Variants in CIAO1 observed in about 807,000 individuals in gnomAD.
CIAO1 encodes cytosolic iron-sulfur assembly component 1.
In CIAO1, 32 loss-of-function variants were observed where a neutral mutation model predicts 43.1. The ratio of observed to expected loss-of-function variants is 0.74; its 90% CI spans 0.56 to 1.00. CIAO1 has a LOEUF of 1.00. Ranked by LOEUF, CIAO1 falls within the 50% of genes least tolerant of loss-of-function variation. CIAO1 has a pLI of 0.00. For synonymous variants in CIAO1, 183 were observed against 171.4 expected (o/e 1.07, Z -0.53); for missense variants, 415 against 437.4 (o/e 0.95, Z 0.46).
rs146208024 is a variant in CIAO1, at chr2:96,270,417, G to A, written c.780-694G>A. Among the ~76,000 whole-genome samples the A allele has an allele frequency of 3.1e-3, 475 of 151,900 alleles. 1 individual carries two copies. The highest frequency in any genetic ancestry group is 5.3e-3 in the Non-Finnish European group (361 of 67,962). ...ACTCAGAGGCTGAGGCAGGAGAATC[G>A]CTTGAACCCGGGAGGCGGAGGTTGC... On this transcript the variant is annotated intron_variant, in intron 6 of 6. Transcript: ENST00000488633.
In CIAO1 at chr2:96,271,922, AC is replaced by A. The variant is rs1432609032; in HGVS notation, c.*572del. 1 of 152,388 alleles carries A rather than the reference AC, an allele frequency of 6.6e-6. No individual in the cohort carries two copies. The highest frequency in any genetic ancestry group is 1.5e-5 in the Non-Finnish European group (1 of 68,214). 9.4% of individuals were successfully genotyped at this position (152,388 alleles called of 1,614,324 possible). On this transcript the variant is annotated 3_prime_UTR_variant, in exon 7 of 7. Transcript: ENST00000488633. Reference sequence around the variant, plus strand: ...CCCTCATATACCTCCCTGCACCGTTACGCTGTGATGGCAACTGGGGATAGAA... The same window carrying A: ...CCCTCATATACCTCCCTGCACCGTTAGCTGTGATGGCAACTGGGGATAGAA...
chr2:96,267,027 G>T (rs1214162452), intron 1 of CIAO1, among the ~76,000 whole-genome samples: 1 of 151,542 alleles, frequency 6.6e-6, no homozygotes, highest in East Asian at 1.9e-4. Context: ...CCAGCTACTC[G>T]GGAGGCTGAG....
At chr2:96,268,089 C>T in intron 4 of CIAO1, 165 bp downstream of exon 4, 3 of 675,826 alleles carry the variant, frequency 4.4e-6, no homozygotes, top group Non-Finnish European at 5.2e-6. Flanking sequence ...TGTGGTGGCT[C>T]ACACCTATAA....
At chr2:96,267,531 C>T (rs1684458957) in intron 2 of CIAO1, 62 bp downstream of exon 2, 1 of 1,609,062 alleles carries the variant, frequency 6.2e-7, no homozygotes, top group Non-Finnish European at 8.5e-7. Context: ...GGTTCAGGAA[C>T]CTGAGCCAAC....
In CIAO1 at chr2:96,266,321, C is replaced by T; in HGVS notation, c.-30C>T. ...CGCTGTCTGCTCAGCGGACTCTGCCCGCCCCCACCTCCCCCTGCGTCGGGC... is the reference window on the plus strand; with the variant it reads ...CGCTGTCTGCTCAGCGGACTCTGCCTGCCCCCACCTCCCCCTGCGTCGGGC... On this transcript the variant is annotated 5_prime_UTR_variant, in exon 1 of 7. Coordinates refer to ENST00000488633, the MANE Select transcript of CIAO1 (RefSeq NM_004804.3). 1.5e-6 allele frequency: 2 copies of T among 1,376,300 alleles called. No homozygotes were observed. The highest frequency in any genetic ancestry group is 2.7e-5 in the Admixed American group (1 of 37,346). The allele number at this position is 1,376,300 out of a possible 1,614,324, so 85.3% of individuals were successfully genotyped here. A position where few individuals can be genotyped will look rare whatever the true frequency, so the allele number is the denominator to read the frequency against.
At position 96,271,384 on chromosome 2, in the gene CIAO1, C is replaced by T. The variant is rs1265377557; in HGVS notation, c.*33C>T. 1 of 1,603,342 alleles carries T rather than the reference C, an allele frequency of 6.2e-7. No individual in the cohort carries two copies. Among genetic ancestry groups the T allele is most frequent in the Admixed American group, 1.7e-5 (1 of 59,578 alleles). ...CGACTTTGGACAGAGTAATGACTCC[C>T]CAGAAAACGTCATATAAGACTTTAC... On this transcript the variant is annotated 3_prime_UTR_variant, in exon 7 of 7. Transcript: ENST00000488633.
intron 5 of CIAO1, 134 bp downstream of exon 5, chr2:96,268,792 G>A (rs1285149640): frequency 2.5e-6 from 2 of 798,246 alleles, no homozygotes; most frequent in Non-Finnish European, 3.9e-6. Context: ...ATAGAGTGCT[G>A]GAAGAATCAG....
chr2:96,270,972 T>C (rs1212654335), intron 6 of CIAO1, 139 bp from the exon 7 acceptor site: 1 of 1,020,246 alleles, frequency 9.8e-7, no homozygotes, highest in East Asian at 2.4e-5. Context: ...TTGTGACTCC[T>C]TATTAGTTAA....
At chr2:96,267,171 G>C in intron 1 of CIAO1, 150 bp from the exon 2 acceptor site, 11 of 241,498 alleles carry the variant, frequency 4.6e-5, no homozygotes, top group East Asian at 1.9e-4. Flanking sequence ...GCTTCCAGAC[G>C]AAGTAGATTC....
chr2:96,274,145 TTTG>T lies in CIAO1; in HGVS notation c.*2797_*2799del, dbSNP rs1165514900. Among the ~76,000 whole-genome samples, 5 of 150,080 alleles carry T rather than the reference TTTG, an allele frequency of 3.3e-5. No individual in the cohort carries two copies. In the East Asian group the frequency reaches 9.7e-4, roughly 29 times the overall value. On this transcript the variant is annotated 3_prime_UTR_variant, in exon 7 of 7. Transcript: ENST00000488633. ...AACCTCCAGAACTGTGAAAAATAAA[TTTG>T]TTATTTAAAAAGAAAAAAAAAAAAA...
chr2:96,274,159 A>C lies in CIAO1; in HGVS notation c.*2808A>C, dbSNP rs1027832836. Among the ~76,000 whole-genome samples the C allele has an allele frequency of 9.2e-5, 13 of 141,138 alleles. No homozygotes were observed. The highest frequency in any genetic ancestry group is 1.7e-4 in the Non-Finnish European group (11 of 64,298). 92.6% of individuals were successfully genotyped at this position (141,138 alleles called of 152,430 possible). A position where few individuals can be genotyped will look rare whatever the true frequency, so the allele number is the denominator to read the frequency against. ...TGAAAAATAAATTTGTTATTTAAAA[A>C]GAAAAAAAAAAAAACAAAAACCTGA... is the stretch of plus-strand genomic sequence containing the variant. On this transcript the variant is annotated 3_prime_UTR_variant, in exon 7 of 7. Transcript: ENST00000488633.
At chr2:96,274,170 AAAAC>A (rs917435965) in exon 7 of CIAO1, among the ~76,000 whole-genome samples, 7 of 133,222 alleles carry the variant, frequency 5.3e-5, no homozygotes, top group African/African-American at 1.8e-4. Flanking sequence ...GAAAAAAAAA[AAAAC>A]AAAAACCTGA....
chr2:96,268,499 C>A lies in CIAO1; in HGVS notation c.532C>A (p.Arg178=). 6.2e-7 allele frequency: 1 copy of A among 1,614,240 alleles called. No homozygotes were observed. Among genetic ancestry groups the A allele is most frequent in the Non-Finnish European group, 8.5e-7 (1 of 1,180,046 alleles). The stretch of plus-strand genomic sequence containing the variant: ...CTATGATGACACAGTGAAGCTGTAC[C>A]GGGAGGAAGAGGATGACTGGGTATG... ...ASYDDTVKLY[R]EEEDDWVCCA... The change falls in exon 5 of 7, where the codon CGG becomes AGG. Residue 178 remains arginine, a synonymous_variant. Transcript: ENST00000488633.
Position 96,266,458 on chromosome 2 carries a change from C to A in CIAO1, c.108C>A (p.Gly36=). The A allele has an allele frequency of 6.5e-7, 1 of 1,549,012 alleles. No homozygotes were observed. ...GGACCCTGCTGGCCTCGTGCGGCGG[C>A]GACCGGAGAATCCGCATCTGGGGCA... The part of the protein sequence containing the change: ...PAGTLLASCG[G]DRRIRIWGTE... Residue 36 remains glycine (G), a synonymous_variant, in exon 1 of 7, where the codon GGC becomes GGA. Transcript: ENST00000488633.
In CIAO1 at chr2:96,271,782, C is replaced by G. The variant is rs1684556049; in HGVS notation, c.*431C>G. 1 of 160,412 alleles carries G rather than the reference C, an allele frequency of 6.2e-6. No homozygotes were observed. The allele number at this position is 160,412 out of a possible 1,614,324, so 9.9% of individuals were successfully genotyped here. On this transcript the variant is annotated 3_prime_UTR_variant, in exon 7 of 7. Transcript: ENST00000488633. ...GGTGAATCCTTGTCTGAAATAGGTCCTCCCTTCCCAGTTTCTGTGTAAGTC... is the reference window on the plus strand; with the variant it reads ...GGTGAATCCTTGTCTGAAATAGGTCGTCCCTTCCCAGTTTCTGTGTAAGTC...
chr2:96,267,975 G>T (rs1468203157), intron 4 of CIAO1, 51 bp downstream of exon 4: 4 of 1,445,440 alleles, frequency 2.8e-6, no homozygotes, highest in African/African-American at 2.8e-5. Context: ...GTGCAGGCTT[G>T]TGCCCAGCCT....
At position 96,266,240 on chromosome 2, in the gene CIAO1, C is replaced by T. The variant is rs1038683286; in HGVS notation, c.-111C>T. 4 of 1,206,306 alleles carry T rather than the reference C, an allele frequency of 3.3e-6. No homozygotes were observed. The highest frequency in any genetic ancestry group is 2.1e-6 in the Non-Finnish European group (2 of 950,404). The allele number at this position is 1,206,306 out of a possible 1,614,324, so 74.7% of individuals were successfully genotyped here. ...CAGGTCCTCCGGCGGAAGCGGGAGC[C>T]TCTGTCGGCCGCGGAAGCCTGGAGT... On this transcript the variant is annotated 5_prime_UTR_variant, in exon 1 of 7. Coordinates refer to ENST00000488633, the MANE Select transcript of CIAO1 (RefSeq NM_004804.3).
rs1000347573 is a variant in CIAO1 at position 96,268,096 on chromosome 2, A to G, written c.489+172A>G. ...CGGCTGGGTGTGGTGGCTCACACCT[A>G]TAATCTCAGCACTTTGGGAGGCCAT... On this transcript the variant is annotated intron_variant, in intron 4 of 6. Transcript: ENST00000488633. The G allele has an allele frequency of 3.1e-5, 20 of 655,124 alleles. No individual in the cohort carries two copies. In the African/African-American group the frequency reaches 3.4e-4, roughly 11 times the overall value. 40.6% of individuals were successfully genotyped at this position (655,124 alleles called of 1,614,324 possible). A position where few individuals can be genotyped will look rare whatever the true frequency, so the allele number is the denominator to read the frequency against.
chr2:96,274,076 A>G lies in CIAO1; in HGVS notation c.*2725A>G, dbSNP rs894774869. Among the ~76,000 whole-genome samples, 1 of 152,040 alleles carries G rather than the reference A, an allele frequency of 6.6e-6. No homozygotes were observed. Among genetic ancestry groups the G allele is most frequent in the African/African-American group, 2.4e-5 (1 of 41,404 alleles). Reference sequence around the variant, plus strand: ...AAAAAAATGTTAACATTATGATTTAAAAGTGCATTAACCTTAATCTAGATA... The same window carrying G: ...AAAAAAATGTTAACATTATGATTTAGAAGTGCATTAACCTTAATCTAGATA... On this transcript the variant is annotated 3_prime_UTR_variant, in exon 7 of 7. Transcript: ENST00000488633.
Sources: gnomAD v4.1 joint callset for allele counts (sites outside exome capture counted in the v4.1 genomes callset) on GRCh38, gnomAD v4.1.1 for gene constraint, MANE v1.5 for transcripts, NCBI Gene and HGNC (gene_info 2026-07-23, HGNC 2026-07-21) for gene names.